NCOA3: variants seen among roughly 807,000 people sequenced by gnomAD.
NCOA3 encodes nuclear receptor coactivator 3, also known as CBP-interacting protein.
A neutral mutation model predicts 158.8 loss-of-function variants in NCOA3; 51 were observed. The observed-to-expected ratio is 0.32, with a 90% CI of 0.26 to 0.41. The LOEUF (loss-of-function observed/expected upper bound fraction) is 0.41, where lower values mean the gene tolerates loss of function less well. Among genes scored for constraint, NCOA3 ranks in the 10% least tolerant of loss-of-function variants. The pLI, the probability that NCOA3 is intolerant of heterozygous loss-of-function variation, is 1.00. For missense variants in NCOA3, 1,510 were observed against 1,746.6 expected, an observed-to-expected ratio of 0.86 and a Z score of 2.41; for synonymous variants, 537 against 592.4, an observed-to-expected ratio of 0.91 and a Z score of 1.36.
intron 1 of NCOA3, among the ~76,000 whole-genome samples, chr20:47,550,992 A>G (rs1182977555): frequency 6.6e-6 from 1 of 152,182 alleles, no homozygotes; most frequent in Non-Finnish European, 1.5e-5. Flanking sequence ...TAATTATTTC[A>G]GTTTATATAT....
intron 17 of NCOA3, among the ~76,000 whole-genome samples, chr20:47,643,708 C>T (rs1031699368): frequency 4.6e-5 from 7 of 152,074 alleles, no homozygotes; most frequent in South Asian, 2.1e-4. Context: ...TTCTTCATCC[C>T]TACTGCATGA....
At chr20:47,512,587 A>AAAAC (rs1569311524) in intron 1 of NCOA3, among the ~76,000 whole-genome samples, 4 of 144,586 alleles carry the variant, frequency 2.8e-5, no homozygotes, top group Non-Finnish European at 4.6e-5. Context: ...AAAAAAAAAA[A>AAAAC]AACACAAAAG....
At chr20:47,539,027 G>A (rs2084680500) in intron 1 of NCOA3, among the ~76,000 whole-genome samples, 1 of 152,132 alleles carries the variant, frequency 6.6e-6, no homozygotes, top group Non-Finnish European at 1.5e-5. Flanking sequence ...TTTGCCTTTG[G>A]GTAAGGTTTT....
chr20:47,583,048 C>T, intron 1 of NCOA3, 135 bp from the exon 2 acceptor site: 1 of 389,324 alleles, frequency 2.6e-6, no homozygotes, highest in Non-Finnish European at 4.5e-6. Flanking sequence ...GCCCGCCTTG[C>T]CTCCCAAAGT....
At chr20:47,521,530 C>A (rs2084333959) in intron 1 of NCOA3, among the ~76,000 whole-genome samples, 2 of 151,990 alleles carry the variant, frequency 1.3e-5, no homozygotes, top group African/African-American at 4.8e-5. Flanking sequence ...TAAGCTAATT[C>A]CGATTGGCTA....
rs1228060962 is a variant in NCOA3, at chr20:47,581,103, CAAAAA to C, written c.-98-2079_-98-2075del. ...CTGGGCACAGAGTGAGATCCTGTCT[CAAAAA>C]GAAAAAGAAAAAAGCTACAACTTTG... On this transcript the variant is annotated intron_variant, in intron 1 of 22. Coordinates refer to ENST00000371998, the MANE Select transcript of NCOA3 (RefSeq NM_181659.3). Among the ~76,000 whole-genome samples the C allele has an allele frequency of 2.0e-5, 3 of 151,300 alleles. No individual in the cohort carries two copies. In the East Asian group the frequency reaches 5.8e-4, roughly 29 times the overall value.
At chr20:47,531,386 A>G (rs573088984) in intron 1 of NCOA3, among the ~76,000 whole-genome samples, 36 of 152,278 alleles carry the variant, frequency 2.4e-4, no homozygotes, top group African/African-American at 8.4e-4. Context: ...GGGGAATTCA[A>G]GATATATAAA....
chr20:47,627,782 A>G, intron 7 of NCOA3, 33 bp downstream of exon 7: 1 of 1,600,644 alleles, frequency 6.2e-7, no homozygotes, highest in Non-Finnish European at 8.5e-7. Flanking sequence ...GATGTTCATG[A>G]AACAAATAGT....
In NCOA3 at chr20:47,545,979, T is replaced by A. The variant is rs1254287052; in HGVS notation, c.-98-37204T>A. On this transcript the variant is annotated intron_variant, in intron 1 of 22. Transcript: ENST00000371998. ...ATCCTCCCACCTCAACCTTCCAAAG[T>A]GTTGGGATTACAGGCATGAGCCACT... is the stretch of plus-strand genomic sequence containing the variant. 3.9e-5 allele frequency among the ~76,000 whole-genome samples: 6 copies of A among 152,296 alleles called. No homozygotes were observed. The East Asian group carries it at 1.2e-3, about 29-fold the overall frequency.
At chr20:47,582,658 C>T (rs112351858) in intron 1 of NCOA3, among the ~76,000 whole-genome samples, 5 of 152,186 alleles carry the variant, frequency 3.3e-5, no homozygotes, top group Non-Finnish European at 7.4e-5. Flanking sequence ...TGAGCCACTG[C>T]GCCTGGCCCT....
chr20:47,546,989 T>A (rs1267155196), intron 1 of NCOA3, among the ~76,000 whole-genome samples: 3 of 152,298 alleles, frequency 2.0e-5, no homozygotes, highest in Non-Finnish European at 1.5e-5. Context: ...CCTCATCTCT[T>A]TAAAGTCTCA....
chr20:47,528,968 C>T (rs2425943), intron 1 of NCOA3, among the ~76,000 whole-genome samples: 22,389 of 151,926 alleles, frequency 0.15, 2,484 homozygotes, highest in African/African-American at 0.3. Flanking sequence ...GGTTTCTCCA[C>T]GTTGGTCAGG....
intron 1 of NCOA3, among the ~76,000 whole-genome samples, chr20:47,542,238 C>T (rs996834643): frequency 2.7e-5 from 4 of 149,744 alleles, no homozygotes; most frequent in Non-Finnish European, 4.4e-5. Flanking sequence ...GGGGCTCTTG[C>T]TATGTTACTC....
intron 1 of NCOA3, among the ~76,000 whole-genome samples, chr20:47,533,194 A>T (rs1263948426): frequency 1.4e-5 from 2 of 146,146 alleles, no homozygotes; most frequent in African/African-American, 5.0e-5. Flanking sequence ...CTGAGGCAGG[A>T]GAATCATTTG....
intron 2 of NCOA3, among the ~76,000 whole-genome samples, chr20:47,586,066 C>T (rs900305672): frequency 3.5e-4 from 53 of 151,806 alleles, no homozygotes; most frequent in Middle Eastern, 6.8e-3. Flanking sequence ...ATTACAGGCA[C>T]GCGCCACCCT....
rs1568744962 is a variant in NCOA3, at chr20:47,636,272, C to T, written c.1886C>T (p.Ser629Phe). 6.2e-7 allele frequency: 1 copy of T among 1,614,204 alleles called. No individual in the cohort carries two copies. The highest frequency in any genetic ancestry group is 8.5e-7 in the Non-Finnish European group (1 of 1,180,040). The change falls in exon 12 of 23, where the codon TCT becomes TTT. Residue 629 changes from serine to phenylalanine, a missense_variant. Coordinates refer to ENST00000371998, the MANE Select transcript of NCOA3 (RefSeq NM_181659.3). Reference sequence around the variant, plus strand: ...TTACTGCAGTTACTTACCTGTTCTTCTGATGACCGGGGTCATTCCTCCTTG... The same window carrying T: ...TTACTGCAGTTACTTACCTGTTCTTTTGATGACCGGGGTCATTCCTCCTTG... ...KKLLQLLTCS[S>F]DDRGHSSLTN...
chr20:47,557,377 C>T (rs1483291059), intron 1 of NCOA3, among the ~76,000 whole-genome samples: 1 of 152,086 alleles, frequency 6.6e-6, no homozygotes, highest in Non-Finnish European at 1.5e-5. Flanking sequence ...TCCTGATAAT[C>T]CTGTAAGATA....
intron 1 of NCOA3, among the ~76,000 whole-genome samples, chr20:47,553,131 C>T (rs1031594774): frequency 2.0e-5 from 3 of 151,968 alleles, no homozygotes; most frequent in Admixed American, 6.6e-5. Flanking sequence ...GACGGGGTTT[C>T]GCCATGTTGC....
intron 1 of NCOA3, among the ~76,000 whole-genome samples, chr20:47,526,887 C>G (rs539824299): frequency 2.2e-4 from 34 of 152,320 alleles, no homozygotes; most frequent in African/African-American, 6.5e-4. Flanking sequence ...AGGTGATCCA[C>G]CTGCCTCGGC....
Sources: gnomAD v4.1 joint callset for allele counts (sites outside exome capture counted in the v4.1 genomes callset) on GRCh38, gnomAD v4.1.1 for gene constraint, MANE v1.5 for transcripts, NCBI Gene and HGNC (gene_info 2026-07-23, HGNC 2026-07-21) for gene names.